Variants in TAX1BP1 observed in about 807,000 individuals in gnomAD.
TAX1BP1 encodes the protein Tax1 binding protein 1, also known as tax1-binding protein 1.
A neutral mutation model predicts 97.7 loss-of-function variants in TAX1BP1; 62 were observed. The observed-to-expected ratio is 0.63, with a 90% CI of 0.52 to 0.78. The LOEUF (loss-of-function observed/expected upper bound fraction) is 0.78. TAX1BP1 is among the 30% of genes least tolerant of loss of function. The probability of loss-of-function intolerance (pLI) is 0.00; values close to 1 mark genes in which losing one functional copy is unlikely to be tolerated. For missense variants in TAX1BP1, 867 were observed against 916.1 expected (o/e 0.95, Z 0.69); for synonymous variants, 340 against 304.2 (o/e 1.12, Z -1.23).
At chr7:27,803,140 G>A in intron 13 of TAX1BP1, 5 of 1,548,418 alleles carry the variant, frequency 3.2e-6, no homozygotes, top group Non-Finnish European at 4.4e-6. Context: ...AAAGAAATAA[G>A]TGGTCTGATT....
intron 4 of TAX1BP1, among the ~76,000 whole-genome samples, chr7:27,766,419 C>CAAAAAAAAAAAAAAAAA (rs201297532): frequency 6.5e-5 from 5 of 76,906 alleles, no homozygotes; most frequent in Non-Finnish European, 1.2e-4. Context: ...GACTCCGTAT[C>CAAAAAAAAAAAAAAAAA]AAAAAAAAAA....
In TAX1BP1 at chr7:27,816,496, C is replaced by A; in HGVS notation, c.1912C>A (p.Pro638Thr). 1 of 1,540,876 alleles carries A rather than the reference C, an allele frequency of 6.5e-7. No individual in the cohort carries two copies. Among genetic ancestry groups the A allele is most frequent in the South Asian group, 1.3e-5 (1 of 77,088 alleles). The part of the protein sequence containing the change: ...NAQPVLQYGN[P>T]YASQETRDGA... ...ACAACCAGTTCTGCAATATGGTAAT[C>A]CTTATGCATCTCAGGAAACAAGAGG... The change falls in exon 14 of 17, where the codon CCT becomes ACT. Residue 638 changes from proline (P) to threonine (T), a missense_variant. Physicochemically the swap from Pro to Thr is conservative, Grantham distance 38. Coordinates refer to ENST00000396319, the MANE Select transcript of TAX1BP1 (RefSeq NM_006024.7).
At chr7:27,827,909 T>C in intron 16 of TAX1BP1, 89 bp downstream of exon 16, 3 of 1,147,202 alleles carry the variant, frequency 2.6e-6, no homozygotes, top group South Asian at 2.6e-5. Flanking sequence ...GAAATGCACA[T>C]GTGTAGGGCC....
chr7:27,787,312 CCTTCCTTTCGTTGTCTTTG>C (rs1236765753), intron 7 of TAX1BP1, 87 bp from the exon 8 acceptor site: 1 of 1,047,158 alleles, frequency 9.5e-7, no homozygotes, highest in Non-Finnish European at 1.3e-6. Context: ...GTATGTCTTT[CCTTCCTTTCGTTGTCTTTG>C]GGTTAGAAAT....
intron 2 of TAX1BP1, among the ~76,000 whole-genome samples, chr7:27,751,863 G>A (rs1262888042): frequency 3.3e-5 from 5 of 151,976 alleles, no homozygotes; most frequent in Non-Finnish European, 7.4e-5. Flanking sequence ...ATGTTGCCCG[G>A]GCTGGTCTCG....
intron 5 of TAX1BP1, among the ~76,000 whole-genome samples, chr7:27,781,271 A>G (rs897908954): frequency 2.0e-5 from 3 of 152,218 alleles, no homozygotes; most frequent in Admixed American, 6.5e-5. Context: ...CCACTTGACA[A>G]TGGGGATACG....
intron 13 of TAX1BP1, among the ~76,000 whole-genome samples, chr7:27,811,140 T>C (rs1420678000): frequency 6.6e-6 from 1 of 152,210 alleles, no homozygotes; most frequent in Non-Finnish European, 1.5e-5. Context: ...TGTTACATAA[T>C]AGATGGTGTG....
intron 2 of TAX1BP1, among the ~76,000 whole-genome samples, chr7:27,750,080 C>T (rs182895008): frequency 4.8e-4 from 73 of 152,156 alleles, no homozygotes; most frequent in African/African-American, 1.4e-3. Flanking sequence ...TGTGAGCCAC[C>T]GCACCTGGCC....
At chr7:27,770,858 G>A (rs935832247) in intron 5 of TAX1BP1, among the ~76,000 whole-genome samples, 1 of 152,032 alleles carries the variant, frequency 6.6e-6, no homozygotes, top group Non-Finnish European at 1.5e-5. Context: ...CCTTATAAAT[G>A]TGAAGTCTTC....
At chr7:27,770,557 C>T (rs1788807530) in intron 5 of TAX1BP1, among the ~76,000 whole-genome samples, 1 of 152,032 alleles carries the variant, frequency 6.6e-6, no homozygotes, top group South Asian at 2.1e-4. Context: ...TGCCCATTTA[C>T]AGTATTGAGC....
intron 13 of TAX1BP1, among the ~76,000 whole-genome samples, chr7:27,808,981 T>G (rs1790447345): frequency 6.6e-6 from 1 of 152,218 alleles, no homozygotes; most frequent in Non-Finnish European, 1.5e-5. Context: ...CAGAAAATGA[T>G]TTAAAATGAA....
chr7:27,742,350 T>C (rs959955878), intron 1 of TAX1BP1, among the ~76,000 whole-genome samples: 3 of 152,182 alleles, frequency 2.0e-5, no homozygotes, highest in African/African-American at 4.8e-5. Context: ...CCCTGGGTAC[T>C]TGAGATTAGG....
chr7:27,815,841 C>T (rs2128324735), intron 13 of TAX1BP1, among the ~76,000 whole-genome samples: 1 of 152,182 alleles, frequency 6.6e-6, no homozygotes, highest in African/African-American at 2.4e-5. Context: ...CAAGACCAGC[C>T]TGACCAACAT....
intron 9 of TAX1BP1, 124 bp downstream of exon 9, chr7:27,792,354 A>G: frequency 1.1e-6 from 1 of 928,410 alleles, no homozygotes. Flanking sequence ...TAAAATTTTC[A>G]TTCCTTTTGT....
intron 5 of TAX1BP1, among the ~76,000 whole-genome samples, chr7:27,774,055 A>G (rs1189780971): frequency 6.6e-6 from 1 of 152,120 alleles, no homozygotes; most frequent in African/African-American, 2.4e-5. Flanking sequence ...GATGTTACAA[A>G]CTGTTAAATG....
chr7:27,794,684 A>G (rs753932865), intron 11 of TAX1BP1, among the ~76,000 whole-genome samples: 1 of 152,208 alleles, frequency 6.6e-6, no homozygotes, highest in African/African-American at 2.4e-5. Context: ...TCTTGAGACT[A>G]TTCACACATG....
rs1703914103 is a variant in TAX1BP1, at chr7:27,785,171, T to C, written c.621T>C (p.Thr207=). Residue 207 remains threonine, a synonymous_variant, in exon 6 of 17, where the codon ACT becomes ACC. Coordinates refer to ENST00000396319, the MANE Select transcript of TAX1BP1 (RefSeq NM_006024.7). ...DQLQAEQKGL[T]EVTQSLKMEN... The stretch of plus-strand genomic sequence containing the variant: ...TTGTTGTCACTTCTCAGGGTCTTAC[T>C]GAAGTAACACAAAGCTTAAAAATGG... The C allele has an allele frequency of 1.2e-6, 2 of 1,607,514 alleles. No individual in the cohort carries two copies. Among genetic ancestry groups the C allele is most frequent in the Non-Finnish European group, 1.7e-6 (2 of 1,177,918 alleles).
intron 13 of TAX1BP1, among the ~76,000 whole-genome samples, chr7:27,801,990 CAG>C (rs1246210883): frequency 6.6e-6 from 1 of 152,070 alleles, no homozygotes; most frequent in Non-Finnish European, 1.5e-5. Flanking sequence ...GGAGGAGAAG[CAG>C]AGCTAGGGAA....
intron 3 of TAX1BP1, 55 bp downstream of exon 3, chr7:27,758,188 A>T: frequency 7.3e-7 from 1 of 1,366,300 alleles, no homozygotes; most frequent in South Asian, 1.2e-5. Context: ...TTGCCATTAA[A>T]GATGTTGTAC....
Sources: gnomAD v4.1 joint callset for allele counts (sites outside exome capture counted in the v4.1 genomes callset) on GRCh38, gnomAD v4.1.1 for gene constraint, MANE v1.5 for transcripts, NCBI Gene and HGNC (gene_info 2026-07-23, HGNC 2026-07-21) for gene names.